Variants in CNTN5 observed in about 807,000 individuals in gnomAD.
CNTN5 encodes contactin-5.
In CNTN5, 77 loss-of-function variants were observed where a neutral mutation model predicts 129.1. The ratio of observed to expected loss-of-function variants is 0.60; its 90% CI spans 0.50 to 0.72. The LOEUF is 0.72. Among genes scored for constraint, CNTN5 ranks in the 30% least tolerant of loss-of-function variants. CNTN5 has a pLI of 0.00. For missense variants in CNTN5, 1,478 were observed against 1,328.8 expected, an observed-to-expected ratio of 1.11 and a Z score of -1.75; for synonymous variants, 509 against 465.6, an observed-to-expected ratio of 1.09 and a Z score of -1.20.
At chr11:99,675,172 T>C (rs1953221291) in intron 3 of CNTN5, among the ~76,000 whole-genome samples, 1 of 152,176 alleles carries the variant, frequency 6.6e-6, no homozygotes, top group Non-Finnish European at 1.5e-5. Flanking sequence ...TGAATAATTA[T>C]TGACTAACTA....
intron 15 of CNTN5, among the ~76,000 whole-genome samples, chr11:100,208,143 T>C (rs1410875870): frequency 6.6e-6 from 1 of 152,166 alleles, no homozygotes; most frequent in Non-Finnish European, 1.5e-5. Context: ...AAATAAGAAG[T>C]TGTTATCCTA....
chr11:99,887,456 A>G (rs1448290955), intron 6 of CNTN5, among the ~76,000 whole-genome samples: 1 of 152,198 alleles, frequency 6.6e-6, no homozygotes, highest in Non-Finnish European at 1.5e-5. Context: ...TGAATGTCCT[A>G]GTGTATTAGT....
rs1362851188 is a variant in CNTN5, at chr11:99,596,255, T to G, written c.55+39986T>G. Among the ~76,000 whole-genome samples the G allele has an allele frequency of 2.0e-5, 3 of 152,136 alleles. No individual in the cohort carries two copies. The East Asian group carries it at 5.8e-4, about 29-fold the overall frequency. ...GTCGTCCTATACCAAAAGATAGGAT[T>G]AAGATATGAGTTTAAGTAACCTGGA... On this transcript the variant is annotated intron_variant, in intron 3 of 24. Transcript: ENST00000524871.
At chr11:99,639,559 GTTTT>G (rs71050010) in intron 3 of CNTN5, among the ~76,000 whole-genome samples, 3 of 70,298 alleles carry the variant, frequency 4.3e-5, no homozygotes, top group East Asian at 3.9e-4. Context: ...TCACCTTTAT[GTTTT>G]TTTTTTTTTT....
chr11:99,331,843 C>T (rs1020482660), intron 2 of CNTN5, among the ~76,000 whole-genome samples: 1 of 152,084 alleles, frequency 6.6e-6, no homozygotes, highest in African/African-American at 2.4e-5. Context: ...ATTGAATTAA[C>T]AAAAGGAATA....
intron 21 of CNTN5, among the ~76,000 whole-genome samples, chr11:100,331,700 T>C (rs1951909983): frequency 6.6e-6 from 1 of 152,004 alleles, no homozygotes; most frequent in Non-Finnish European, 1.5e-5. Flanking sequence ...ACCATGCAAA[T>C]ACATGGAAAT....
intron 13 of CNTN5, among the ~76,000 whole-genome samples, chr11:100,159,991 C>T (rs1445375252): frequency 6.6e-6 from 1 of 151,794 alleles, no homozygotes; most frequent in Admixed American, 6.6e-5. Flanking sequence ...AGGTTTGTTA[C>T]ATAGGTATAC....
intron 3 of CNTN5, among the ~76,000 whole-genome samples, chr11:99,721,784 C>T (rs1171416720): frequency 1.3e-5 from 2 of 151,976 alleles, no homozygotes; most frequent in Non-Finnish European, 2.9e-5. Flanking sequence ...AACACATTTA[C>T]AAAAGAAAAA....
At chr11:100,195,075 T>C (rs1432217145) in intron 15 of CNTN5, among the ~76,000 whole-genome samples, 1 of 151,260 alleles carries the variant, frequency 6.6e-6, no homozygotes, top group Non-Finnish European at 1.5e-5. Context: ...TCCTTTACCT[T>C]GGGTGATAAT....
intron 2 of CNTN5, among the ~76,000 whole-genome samples, chr11:99,419,925 G>C (rs190336171): frequency 6.6e-6 from 1 of 152,032 alleles, no homozygotes; most frequent in Admixed American, 6.6e-5. Context: ...CTAGCATGGT[G>C]GTCTTCACCA....
chr11:100,217,002 T>C (rs1366164776), intron 15 of CNTN5, among the ~76,000 whole-genome samples: 1 of 152,192 alleles, frequency 6.6e-6, no homozygotes, highest in Non-Finnish European at 1.5e-5. Context: ...ACCTAAACTC[T>C]TCAGCCCCAT....
chr11:99,785,266 ATTTG>A lies in CNTN5; in HGVS notation c.56-34274_56-34271del, dbSNP rs1025810905. On this transcript the variant is annotated intron_variant, in intron 3 of 24. Coordinates refer to ENST00000524871, the MANE Select transcript of CNTN5 (RefSeq NM_014361.4). ...TTTGATGGGATTTTTTTTCTTGTAA[ATTTG>A]TTTATGTTCTTTGTAGATTATGGAT... 3.5e-4 allele frequency among the ~76,000 whole-genome samples: 53 copies of A among 151,966 alleles called. 1 individual carries two copies. The highest frequency in any genetic ancestry group is 1.3e-3 in the African/African-American group (53 of 41,470).
chr11:99,906,904 A>T (rs1406122897), intron 6 of CNTN5, among the ~76,000 whole-genome samples: 2 of 151,186 alleles, frequency 1.3e-5, no homozygotes, highest in African/African-American at 2.4e-5. Context: ...TTTCTAGTTT[A>T]TTTGCATAGA....
chr11:99,183,369 C>G (rs890145805), intron 1 of CNTN5, among the ~76,000 whole-genome samples: 2 of 152,152 alleles, frequency 1.3e-5, no homozygotes, highest in Non-Finnish European at 2.9e-5. Flanking sequence ...AGTTATTCCT[C>G]TAAGTGACAT....
At chr11:99,743,817 G>T (rs759061103) in intron 3 of CNTN5, among the ~76,000 whole-genome samples, 1 of 152,122 alleles carries the variant, frequency 6.6e-6, no homozygotes, top group Non-Finnish European at 1.5e-5. Flanking sequence ...AGAGATTCTT[G>T]ACTAAATATA....
At chr11:99,078,014 T>G (rs1865645579) in intron 1 of CNTN5, among the ~76,000 whole-genome samples, 1 of 152,176 alleles carries the variant, frequency 6.6e-6, no homozygotes, top group South Asian at 2.1e-4. Context: ...CCTTAAATGT[T>G]AAGTGTATGT....
intron 3 of CNTN5, among the ~76,000 whole-genome samples, chr11:99,683,585 C>G (rs562102609): frequency 6.6e-5 from 10 of 151,866 alleles, no homozygotes; most frequent in East Asian, 1.9e-4. Context: ...CCAAAATGTT[C>G]TTCTTCAAAA....
intron 1 of CNTN5, among the ~76,000 whole-genome samples, chr11:99,109,391 G>T (rs1265531283): frequency 6.6e-6 from 1 of 151,906 alleles, no homozygotes; most frequent in Non-Finnish European, 1.5e-5. Flanking sequence ...TTTTCATATG[G>T]TGCTTACAGT....
At chr11:100,220,201 C>T (rs565016945) in intron 15 of CNTN5, among the ~76,000 whole-genome samples, 40 of 151,992 alleles carry the variant, frequency 2.6e-4, no homozygotes, top group African/African-American at 5.8e-4. Context: ...GGTGCGAACC[C>T]GGGAGGCGGA....
Sources: allele counts gnomAD v4.1 joint callset (sites outside exome capture counted in the v4.1 genomes callset), GRCh38; gene constraint gnomAD v4.1.1; transcripts MANE v1.5; gene names NCBI Gene and HGNC (gene_info 2026-07-23, HGNC 2026-07-21).